AFF1: variants seen among roughly 807,000 people sequenced by gnomAD.
AFF1 encodes the protein AF4/FMR2 family member 1.
Under a neutral mutation model 121.7 loss-of-function variants are expected in AFF1, and 48 were observed. That is an observed-to-expected ratio of 0.39 (90% CI 0.31 to 0.50). The LOEUF (loss-of-function observed/expected upper bound fraction) is 0.50, where lower values mean the gene tolerates loss of function less well. Among genes scored for constraint, AFF1 ranks in the 20% least tolerant of loss-of-function variants. The probability of loss-of-function intolerance (pLI) is 0.76; values close to 1 mark genes in which losing one functional copy is unlikely to be tolerated. For missense variants in AFF1, 1,523 were observed against 1,511.7 expected (o/e 1.01, Z -0.12); for synonymous variants, 613 against 563.0 (o/e 1.09, Z -1.26).
intron 4 of AFF1, among the ~76,000 whole-genome samples, chr4:87,054,359 C>T (rs1305482754): frequency 6.6e-6 from 1 of 152,200 alleles, no homozygotes; most frequent in African/African-American, 2.4e-5. Flanking sequence ...ATGGGGCTTT[C>T]ATTCCTGAGT....
intron 2 of AFF1, among the ~76,000 whole-genome samples, chr4:86,962,777 G>A (rs1367195776): frequency 2.0e-5 from 3 of 152,032 alleles, no homozygotes; most frequent in African/African-American, 4.8e-5. Flanking sequence ...AATTTGAAAT[G>A]GTAGGTGACA....
At chr4:87,034,848 A>G (rs1729407328) in intron 2 of AFF1, among the ~76,000 whole-genome samples, 1 of 150,942 alleles carries the variant, frequency 6.6e-6, no homozygotes, top group Non-Finnish European at 1.5e-5. Context: ...AGACTGGCAG[A>G]ATTCAGCAGA....
rs1431845011 is a variant in AFF1, at chr4:87,138,887, A to G, written c.*3186A>G. On this transcript the variant is annotated 3_prime_UTR_variant, in exon 21 of 21. Coordinates refer to ENST00000395146, the MANE Select transcript of AFF1 (RefSeq NM_001166693.3). ...TAGCTATTTCCCTTACACAGATTGG[A>G]CCGCACTTATCTCCCTTGTCCTGTA... 8.7e-6 allele frequency: 2 copies of G among 228,844 alleles called. No individual in the cohort carries two copies. Among genetic ancestry groups the G allele is most frequent in the Non-Finnish European group, 8.7e-6 (1 of 115,288 alleles). The allele number at this position is 228,844 out of a possible 1,614,324, so 14.2% of individuals were successfully genotyped here.
At position 87,065,026 on chromosome 4, in the gene AFF1, C is replaced by G. The variant is rs1360421779; in HGVS notation, c.1059+17432C>G. 3.4e-5 allele frequency among the ~76,000 whole-genome samples: 4 copies of G among 116,690 alleles called. No individual in the cohort carries two copies. In the East Asian group the frequency reaches 7.7e-4, roughly 23 times the overall value. 76.6% of individuals were successfully genotyped at this position (116,690 alleles called of 152,430 possible). A position where few individuals can be genotyped will look rare whatever the true frequency, so the allele number is the denominator to read the frequency against. On this transcript the variant is annotated intron_variant, in intron 4 of 20. Coordinates refer to ENST00000395146, the MANE Select transcript of AFF1 (RefSeq NM_001166693.3). Reference sequence around the variant, plus strand: ...TGCACTCCAGCCTGGCTGACAGACTCTGTCACAAGAAAAAATAATATAGTG... The same window carrying G: ...TGCACTCCAGCCTGGCTGACAGACTGTGTCACAAGAAAAAATAATATAGTG...
chr4:86,980,947 A>ACCCCCCCCCCCCC (rs57473395), intron 2 of AFF1, among the ~76,000 whole-genome samples: 1 of 102,398 alleles, frequency 9.8e-6, no homozygotes, highest in African/African-American at 3.5e-5. Context: ...GGCTTGAGGC[A>ACCCCCCCCCCCCC]CCCCCCCCCT....
chr4:87,090,522 A>G (rs1052558521), intron 6 of AFF1, among the ~76,000 whole-genome samples: 2 of 152,210 alleles, frequency 1.3e-5, no homozygotes, highest in Non-Finnish European at 2.9e-5. Flanking sequence ...TTTCTGTTAC[A>G]GTATTTATGA....
At position 87,114,462 on chromosome 4, in the gene AFF1, G is replaced by A. The variant is rs775075744; in HGVS notation, c.1629G>A (p.Glu543=). 3 of 1,613,732 alleles carry A rather than the reference G, an allele frequency of 1.9e-6. No homozygotes were observed. Among genetic ancestry groups the A allele is most frequent in the South Asian group, 2.2e-5 (2 of 91,084 alleles). Residue 543 remains glutamate (E), a synonymous_variant, in exon 12 of 21, where the codon GAG becomes GAA. Transcript: ENST00000395146. ...AAPPEGPRST[E]PPRRHPESKG... ...CACCAGAGGGCCCCAGGAGCACAGA[G>A]CCCCCACGGCGGCACCCAGAGAGTA...
At chr4:86,985,776 TA>T (rs1395325240) in intron 2 of AFF1, among the ~76,000 whole-genome samples, 1 of 151,962 alleles carries the variant, frequency 6.6e-6, no homozygotes, top group Non-Finnish European at 1.5e-5. Flanking sequence ...AAAAAAATAA[TA>T]ATAAAAGAAT....
chr4:86,952,256 T>C (rs1721405028), intron 2 of AFF1, among the ~76,000 whole-genome samples: 1 of 152,208 alleles, frequency 6.6e-6, no homozygotes, highest in Non-Finnish European at 1.5e-5. Context: ...TTGGAATCCC[T>C]TGGAATTCAT....
intron 1 of AFF1, chr4:86,935,681 C>G (rs938429443): frequency 1.3e-5 from 2 of 152,142 alleles, no homozygotes; most frequent in African/African-American, 4.8e-5. Flanking sequence ...ACCCCGGGAC[C>G]CTTCCCTGTG....
chr4:87,112,426 T>TG (rs1726629555), intron 11 of AFF1, among the ~76,000 whole-genome samples: 1 of 152,194 alleles, frequency 6.6e-6, no homozygotes, highest in South Asian at 2.1e-4. Flanking sequence ...AGCAGCAGTA[T>TG]GGGGTAAACA....
rs1721156312 is a variant in AFF1, at chr4:86,949,690, C to T, written c.38+1119C>T. 3.2e-6 allele frequency: 5 copies of T among 1,572,788 alleles called. No individual in the cohort carries two copies. The Admixed American group carries it at 9.2e-5, about 29-fold the overall frequency. ...CTCAGAGCAGGAAGGGGATGATGGG[C>T]ATGCGCAGGGGCGGGTAGTCCCGGA... On this transcript the variant is annotated intron_variant, in intron 2 of 20. Transcript: ENST00000395146.
Position 87,138,302 on chromosome 4 carries a change from G to T in AFF1, c.*2601G>T. The T allele has an allele frequency of 4.3e-6, 1 of 232,234 alleles. No homozygotes were observed. The highest frequency in any genetic ancestry group is 5.6e-5 in the Admixed American group (1 of 17,758). The allele number at this position is 232,234 out of a possible 1,614,324, so 14.4% of individuals were successfully genotyped here. ...TTAAAATGATTTGCACTTTTTCACTGCATGCTTACAATTCCCAAAGGCAAA... is the reference window on the plus strand; with the variant it reads ...TTAAAATGATTTGCACTTTTTCACTTCATGCTTACAATTCCCAAAGGCAAA... On this transcript the variant is annotated 3_prime_UTR_variant, in exon 21 of 21. Coordinates refer to ENST00000395146, the MANE Select transcript of AFF1 (RefSeq NM_001166693.3).
At chr4:87,029,816 T>G (rs1728891096) in intron 2 of AFF1, among the ~76,000 whole-genome samples, 1 of 152,158 alleles carries the variant, frequency 6.6e-6, no homozygotes, top group Non-Finnish European at 1.5e-5. Context: ...AACACACACT[T>G]CACAACACCT....
rs140454234 is a variant in AFF1, at chr4:87,112,771, A to G, written c.1534-1596A>G. Among the ~76,000 whole-genome samples the G allele has an allele frequency of 1.9e-3, 297 of 152,342 alleles. 1 individual carries two copies. The highest frequency in any genetic ancestry group is 5.5e-3 in the African/African-American group (228 of 41,572). Reference sequence around the variant, plus strand: ...TAAATCTGAAGTGGGATGTCTTTCAACTAATTTTCTGATGCATTATGTGTA... The same window carrying G: ...TAAATCTGAAGTGGGATGTCTTTCAGCTAATTTTCTGATGCATTATGTGTA... On this transcript the variant is annotated intron_variant, in intron 11 of 20. Transcript: ENST00000395146.
intron 2 of AFF1, among the ~76,000 whole-genome samples, chr4:86,962,718 TGAG>T (rs1722240264): frequency 6.6e-6 from 1 of 152,212 alleles, no homozygotes; most frequent in Non-Finnish European, 1.5e-5. Context: ...CAAGTGATGA[TGAG>T]TCTGATTTTT....
At chr4:87,089,110 G>C (rs947196127) in intron 5 of AFF1, among the ~76,000 whole-genome samples, 1 of 152,104 alleles carries the variant, frequency 6.6e-6, no homozygotes, top group Non-Finnish European at 1.5e-5. Context: ...TTGACTTCCT[G>C]GGGTACCTTG....
intron 2 of AFF1, among the ~76,000 whole-genome samples, chr4:86,980,572 T>G (rs1311148448): frequency 6.6e-6 from 1 of 152,248 alleles, no homozygotes; most frequent in Admixed American, 6.5e-5. Flanking sequence ...TGGACTATTT[T>G]CTACTGTTGC....
At chr4:87,031,330 CCT>C (rs1398772409) in intron 2 of AFF1, among the ~76,000 whole-genome samples, 2 of 152,190 alleles carry the variant, frequency 1.3e-5, no homozygotes, top group Non-Finnish European at 2.9e-5. Flanking sequence ...CTCAGATGTC[CCT>C]GTTCTTAATT....
Sources: allele counts gnomAD v4.1 joint callset (sites outside exome capture counted in the v4.1 genomes callset), GRCh38; gene constraint gnomAD v4.1.1; transcripts MANE v1.5; gene names NCBI Gene and HGNC (gene_info 2026-07-23, HGNC 2026-07-21).